Variants in TBC1D8 observed in about 807,000 individuals in gnomAD.
TBC1D8 encodes the protein TBC1 domain family member 8, also known as BUB2-like protein 1.
In TBC1D8, 65 loss-of-function variants were observed where a neutral mutation model predicts 118.8. That is an observed-to-expected ratio of 0.55 (90% confidence interval 0.45 to 0.67). The LOEUF is 0.67. TBC1D8 is among the 30% of genes least tolerant of loss of function. The probability of loss-of-function intolerance (pLI) is 0.00; values close to 1 mark genes in which losing one functional copy is unlikely to be tolerated. For missense variants in TBC1D8, 1,376 were observed against 1,471.2 expected (o/e 0.94, Z 1.06); for synonymous variants, 566 against 595.8 (o/e 0.95, Z 0.73).
At chr2:101,064,038 C>A (rs1295892592) in intron 2 of TBC1D8, among the ~76,000 whole-genome samples, 1 of 152,222 alleles carries the variant, frequency 6.6e-6, no homozygotes, top group Non-Finnish European at 1.5e-5. Flanking sequence ...CTCACTGCTG[C>A]TTCTGCTGAC....
At chr2:101,138,071 G>C (rs1210255300) in intron 1 of TBC1D8, among the ~76,000 whole-genome samples, 2 of 152,176 alleles carry the variant, frequency 1.3e-5, no homozygotes, top group East Asian at 3.9e-4. Flanking sequence ...GACCGGAGCA[G>C]GAGGAAGAGG....
rs143454123 is a variant in TBC1D8 at position 101,143,000 on chromosome 2, C to A, written c.127+8127G>T. Among the ~76,000 whole-genome samples, 668 of 152,038 alleles carry A rather than the reference C, an allele frequency of 4.4e-3. 3 individuals are homozygous for A. Among genetic ancestry groups the A allele is most frequent in the African/African-American group, 0.015 (613 of 41,450 alleles). On this transcript the variant is annotated intron_variant, in intron 1 of 19. Coordinates refer to ENST00000409318, the MANE Select transcript of TBC1D8 (RefSeq NM_001330348.2). The stretch of plus-strand genomic sequence containing the variant: ...AAGAAACAAACCATAAAATGCAGTA[C>A]CTTTTCATAAGGATATCTTACTAAG...
chr2:101,116,431 C>T (rs1214332984), intron 1 of TBC1D8, among the ~76,000 whole-genome samples: 1 of 152,098 alleles, frequency 6.6e-6, no homozygotes, highest in Admixed American at 6.6e-5. Flanking sequence ...GGGATCATCC[C>T]CACCGCACTG....
At chr2:101,068,613 G>A (rs375415801) in intron 2 of TBC1D8, 3 of 532,324 alleles carry the variant, frequency 5.6e-6, no homozygotes, top group African/African-American at 2.0e-5. Flanking sequence ...GATACAATTC[G>A]CCAACAAGAA....
intron 1 of TBC1D8, among the ~76,000 whole-genome samples, chr2:101,139,414 C>T (rs1278179630): frequency 3.3e-5 from 5 of 152,254 alleles, no homozygotes; most frequent in East Asian, 1.9e-4. Flanking sequence ...GTCTCCAGCC[C>T]GCTCCCACGC....
intron 1 of TBC1D8, among the ~76,000 whole-genome samples, chr2:101,147,529 C>T (rs1434773074): frequency 2.6e-5 from 4 of 152,142 alleles, no homozygotes. Context: ...ATTAAATAAA[C>T]AAGTAATAGC....
rs775779030 is a variant in TBC1D8 at position 101,086,003 on chromosome 2, G to C, written c.283+4206C>G. On this transcript the variant is annotated intron_variant, in intron 2 of 19. Coordinates refer to ENST00000409318, the MANE Select transcript of TBC1D8 (RefSeq NM_001330348.2). ...AAAAATACAAAAAAATTAGCTGGGC[G>C]TGGTGGCGGGTGCCTGTAGTCCCAG... 3.3e-5 allele frequency among the ~76,000 whole-genome samples: 5 copies of C among 152,050 alleles called. No individual in the cohort carries two copies. The East Asian group carries it at 7.7e-4, about 24-fold the overall frequency.
chr2:101,125,429 A>G (rs1338066314), intron 1 of TBC1D8, among the ~76,000 whole-genome samples: 1 of 152,248 alleles, frequency 6.6e-6, no homozygotes, highest in Non-Finnish European at 1.5e-5. Context: ...TCACACACAG[A>G]CACACACAGG....
chr2:101,131,151 C>T (rs915570091), intron 1 of TBC1D8, among the ~76,000 whole-genome samples: 1 of 152,202 alleles, frequency 6.6e-6, no homozygotes, highest in Admixed American at 6.5e-5. Flanking sequence ...CATCCTCCCA[C>T]CTCAGCCTCC....
intron 12 of TBC1D8, 57 bp downstream of exon 12, chr2:101,029,434 G>A: frequency 6.4e-7 from 1 of 1,565,614 alleles, no homozygotes; most frequent in South Asian, 1.2e-5. Flanking sequence ...GCCCTGCTGG[G>A]CACGTGCTGC....
chr2:101,030,774 GCA>G (rs1680624388), intron 11 of TBC1D8, among the ~76,000 whole-genome samples: 2 of 152,314 alleles, frequency 1.3e-5, no homozygotes, highest in Non-Finnish European at 2.9e-5. Context: ...GACTGGACAA[GCA>G]CACCAGTGAA....
chr2:101,066,621 T>C (rs1683029414), intron 2 of TBC1D8, among the ~76,000 whole-genome samples: 2 of 152,060 alleles, frequency 1.3e-5, no homozygotes, highest in Non-Finnish European at 2.9e-5. Context: ...AATATCACAA[T>C]AAAGTAAGTC....
At chr2:101,014,367 T>C (rs750448621) in intron 17 of TBC1D8, among the ~76,000 whole-genome samples, 5 of 152,210 alleles carry the variant, frequency 3.3e-5, no homozygotes, top group Non-Finnish European at 5.9e-5. Context: ...GTAGCTGATA[T>C]CAGGACTGCT....
intron 2 of TBC1D8, among the ~76,000 whole-genome samples, chr2:101,074,596 G>C (rs1385809397): frequency 6.6e-6 from 1 of 152,192 alleles, no homozygotes; most frequent in Non-Finnish European, 1.5e-5. Context: ...ACACCATATA[G>C]AGCTTCAAAA....
intron 1 of TBC1D8, among the ~76,000 whole-genome samples, chr2:101,114,716 T>C (rs1435004398): frequency 2.0e-5 from 3 of 152,262 alleles, no homozygotes; most frequent in Non-Finnish European, 4.4e-5. Flanking sequence ...GTTCTGGTTT[T>C]AGAAAGAAGC....
chr2:101,134,335 G>A (rs1490129337), intron 1 of TBC1D8, among the ~76,000 whole-genome samples: 1 of 152,006 alleles, frequency 6.6e-6, no homozygotes, highest in Non-Finnish European at 1.5e-5. Flanking sequence ...ATACTAATCA[G>A]ATCTCTGGCT....
At chr2:101,123,842 C>T (rs1336255804) in intron 1 of TBC1D8, among the ~76,000 whole-genome samples, 1 of 152,214 alleles carries the variant, frequency 6.6e-6, no homozygotes, top group Non-Finnish European at 1.5e-5. Flanking sequence ...CTTCCATGGC[C>T]TCTCCCTGTG....
At chr2:101,122,361 G>A (rs1234012495) in intron 1 of TBC1D8, among the ~76,000 whole-genome samples, 7 of 117,702 alleles carry the variant, frequency 5.9e-5, no homozygotes, top group Admixed American at 3.6e-4. Flanking sequence ...GTGAGCCACC[G>A]CGCCCGGCCA....
intron 19 of TBC1D8, 115 bp downstream of exon 19, chr2:101,010,814 G>A: frequency 1.3e-6 from 1 of 773,140 alleles, no homozygotes; most frequent in South Asian, 1.7e-5. Context: ...CCCTGGAGGT[G>A]GAGGTTGCAG....
Sources: gnomAD v4.1 joint callset for allele counts (sites outside exome capture counted in the v4.1 genomes callset) on GRCh38, gnomAD v4.1.1 for gene constraint, MANE v1.5 for transcripts, NCBI Gene and HGNC (gene_info 2026-07-23, HGNC 2026-07-21) for gene names.